Variants in ZBTB7C observed in about 807,000 individuals in gnomAD.
The protein encoded by ZBTB7C is zinc finger and BTB domain-containing protein 7C.
ZBTB7C carries 8 observed loss-of-function variants against 25.7 expected under a neutral mutation model. That is an observed-to-expected ratio of 0.31 (90% confidence interval 0.18 to 0.56). The LOEUF is 0.56. Ranked by LOEUF, ZBTB7C falls within the 20% of genes least tolerant of loss-of-function variation. The pLI is 0.91. For missense variants in ZBTB7C, 824 were observed against 855.2 expected (o/e 0.96, Z 0.46); for synonymous variants, 394 against 369.0 (o/e 1.07, Z -0.78).
At chr18:48,031,546 G>A (rs2035748029) in intron 4 of ZBTB7C, among the ~76,000 whole-genome samples, 1 of 152,208 alleles carries the variant, frequency 6.6e-6, no homozygotes, top group South Asian at 2.1e-4. Context: ...GGACTTCAGA[G>A]ACCATTTAGG....
chr18:48,048,825 C>T (rs1342517670), intron 3 of ZBTB7C, among the ~76,000 whole-genome samples: 1 of 152,142 alleles, frequency 6.6e-6, no homozygotes, highest in Non-Finnish European at 1.5e-5. Context: ...CGGAGCATCA[C>T]CATCTTCTAA....
intron 3 of ZBTB7C, among the ~76,000 whole-genome samples, chr18:48,152,513 A>G (rs2040710738): frequency 6.6e-6 from 1 of 152,268 alleles, no homozygotes; most frequent in African/African-American, 2.4e-5. Context: ...TAGAACAAAC[A>G]AATCTACATT....
At chr18:48,300,071 G>A (rs921226636) in intron 2 of ZBTB7C, among the ~76,000 whole-genome samples, 2 of 152,174 alleles carry the variant, frequency 1.3e-5, no homozygotes, top group African/African-American at 4.8e-5. Context: ...TGCTGTTACT[G>A]CATTGAGAAC....
intron 3 of ZBTB7C, among the ~76,000 whole-genome samples, chr18:48,170,690 G>T (rs2041444578): frequency 6.6e-6 from 1 of 152,116 alleles, no homozygotes; most frequent in Non-Finnish European, 1.5e-5. Flanking sequence ...GGTACTCTTG[G>T]GAGATCCCCT....
At chr18:48,182,413 G>A (rs1040666587) in intron 3 of ZBTB7C, among the ~76,000 whole-genome samples, 4 of 152,174 alleles carry the variant, frequency 2.6e-5, no homozygotes, top group African/African-American at 9.7e-5. Context: ...ATTCAAGACC[G>A]AACTTCAGAA....
intron 3 of ZBTB7C, among the ~76,000 whole-genome samples, chr18:48,125,283 A>T (rs1173425293): frequency 6.6e-6 from 1 of 152,210 alleles, no homozygotes; most frequent in Non-Finnish European, 1.5e-5. Flanking sequence ...ATTCTTATCC[A>T]GTAAGGGCTT....
At chr18:48,201,421 T>C (rs925373379) in intron 2 of ZBTB7C, among the ~76,000 whole-genome samples, 4 of 152,168 alleles carry the variant, frequency 2.6e-5, no homozygotes, top group Non-Finnish European at 5.9e-5. Flanking sequence ...GCTCCTCTGA[T>C]GTCCATTCCT....
At chr18:48,282,796 C>T (rs919308504) in intron 2 of ZBTB7C, among the ~76,000 whole-genome samples, 1 of 152,168 alleles carries the variant, frequency 6.6e-6, no homozygotes, top group African/African-American at 2.4e-5. Context: ...AAAGTTCAAA[C>T]ACAGGCAAGA....
chr18:48,383,356 C>T (rs1289916813), intron 1 of ZBTB7C, among the ~76,000 whole-genome samples: 2 of 152,126 alleles, frequency 1.3e-5, no homozygotes, highest in Non-Finnish European at 2.9e-5. Context: ...GCCTCGACCT[C>T]CCAGGTTCAA....
rs191226029 is a variant in ZBTB7C at position 48,407,261 on chromosome 18, G to C, written c.-304+1965C>G. Among the ~76,000 whole-genome samples, 8 of 152,228 alleles carry C rather than the reference G, an allele frequency of 5.3e-5. No individual in the cohort carries two copies. The East Asian group carries it at 1.5e-3, about 29-fold the overall frequency. On this transcript the variant is annotated intron_variant, in intron 1 of 4. Transcript: ENST00000590800. ...ACAGAGTTCTGGCATCCTATGGAAA[G>C]TGGGTGCTTCAGTGAAAAAAAGCTG...
At chr18:48,148,782 T>G (rs1282290032) in intron 3 of ZBTB7C, 1 of 152,194 alleles carries the variant, frequency 6.6e-6, no homozygotes, top group Non-Finnish European at 1.5e-5. Flanking sequence ...GCCTATGTGA[T>G]CGATTACCAT....
chr18:48,232,051 G>T (rs1458776882), intron 2 of ZBTB7C, among the ~76,000 whole-genome samples: 1 of 152,248 alleles, frequency 6.6e-6, no homozygotes, highest in East Asian at 1.9e-4. Context: ...TCCTTGGCAG[G>T]CGTGGGATCC....
At chr18:48,034,906 C>T (rs536499989) in intron 4 of ZBTB7C, among the ~76,000 whole-genome samples, 3 of 152,324 alleles carry the variant, frequency 2.0e-5, no homozygotes, top group African/African-American at 7.2e-5. Context: ...GGGGCCTTGG[C>T]CTGAGGTCTG....
At chr18:48,299,791 A>G (rs1052331754) in intron 2 of ZBTB7C, among the ~76,000 whole-genome samples, 3 of 152,266 alleles carry the variant, frequency 2.0e-5, no homozygotes, top group Non-Finnish European at 4.4e-5. Context: ...TGAAGTGAAA[A>G]TGGCTCATGA....
chr18:48,188,606 G>A (rs2042119481), intron 2 of ZBTB7C, among the ~76,000 whole-genome samples: 1 of 152,172 alleles, frequency 6.6e-6, no homozygotes, highest in Non-Finnish European at 1.5e-5. Context: ...TTTGTGCAAT[G>A]TGGCCTCAGA....
chr18:48,133,809 C>T (rs1011684247), intron 3 of ZBTB7C, among the ~76,000 whole-genome samples: 14 of 152,180 alleles, frequency 9.2e-5, no homozygotes, highest in South Asian at 2.1e-4. Flanking sequence ...CCCGATTCCC[C>T]TCCCTCTATT....
intron 3 of ZBTB7C, among the ~76,000 whole-genome samples, chr18:48,134,111 T>A (rs1176364496): frequency 7.6e-6 from 1 of 131,382 alleles, no homozygotes; most frequent in African/African-American, 3.1e-5. Context: ...TTTTTTTTTT[T>A]AAGAAAAGGA....
intron 1 of ZBTB7C, among the ~76,000 whole-genome samples, chr18:48,404,098 C>G (rs2048223308): frequency 6.6e-6 from 1 of 152,094 alleles, no homozygotes; most frequent in Non-Finnish European, 1.5e-5. Flanking sequence ...ACTAAAAATA[C>G]AAAAATTAAC....
intron 3 of ZBTB7C, among the ~76,000 whole-genome samples, chr18:48,158,946 G>C (rs2040918944): frequency 6.6e-6 from 1 of 152,172 alleles, no homozygotes; most frequent in African/African-American, 2.4e-5. Context: ...CACAGGGTGA[G>C]CTCCCCAGAG....
Sources: gnomAD v4.1 joint callset for allele counts (sites outside exome capture counted in the v4.1 genomes callset) on GRCh38, gnomAD v4.1.1 for gene constraint, MANE v1.5 for transcripts, NCBI Gene and HGNC (gene_info 2026-07-23, HGNC 2026-07-21) for gene names.